The following IMMP2L variants were observed in gnomAD, a reference collection of about 807,000 sequenced individuals.
IMMP2L encodes the protein inner mitochondrial membrane peptidase subunit 2.
In IMMP2L, 18 loss-of-function variants were observed where a neutral mutation model predicts 19.3. The ratio of observed to expected loss-of-function variants is 0.93; its 90% confidence interval spans 0.64 to 1.38. The LOEUF is 1.38. Among genes scored for constraint, IMMP2L ranks in the 40% most tolerant of loss-of-function variants. The pLI is 0.00. For synonymous variants in IMMP2L, 76 were observed against 73.0 expected (o/e 1.04, Z -0.21); for missense variants, 233 against 218.2 (o/e 1.07, Z -0.43).
At chr7:111,549,777 C>T (rs920552892) in intron 1 of IMMP2L, among the ~76,000 whole-genome samples, 32 of 152,082 alleles carry the variant, frequency 2.1e-4, no homozygotes, top group Non-Finnish European at 3.7e-4. Flanking sequence ...TCCATCTCTA[C>T]TAAAAATACA....
At chr7:111,004,374 AG>A (rs1308992505) in intron 3 of IMMP2L, among the ~76,000 whole-genome samples, 1 of 152,076 alleles carries the variant, frequency 6.6e-6, no homozygotes, top group Non-Finnish European at 1.5e-5. Context: ...TGTGTTTCCC[AG>A]GCTGGTCTGA....
At chr7:110,749,576 A>G (rs1225833955) in intron 5 of IMMP2L, among the ~76,000 whole-genome samples, 3 of 152,188 alleles carry the variant, frequency 2.0e-5, no homozygotes, top group African/African-American at 7.2e-5. Flanking sequence ...ATAAAAAAGG[A>G]TGAGTTCCTG....
At chr7:111,306,073 T>C (rs1364855663) in intron 3 of IMMP2L, among the ~76,000 whole-genome samples, 1 of 152,204 alleles carries the variant, frequency 6.6e-6, no homozygotes, top group Non-Finnish European at 1.5e-5. Context: ...AAAATTTATA[T>C]CAAAATGTGT....
rs184509348 is a variant in IMMP2L at position 110,745,519 on chromosome 7, C to A, written c.409-81798G>T. Among the ~76,000 whole-genome samples, 335 of 152,272 alleles carry A rather than the reference C, an allele frequency of 2.2e-3. 2 individuals are homozygous for A. Among genetic ancestry groups the A allele is most frequent in the African/African-American group, 7.8e-3 (325 of 41,552 alleles). On this transcript the variant is annotated intron_variant, in intron 5 of 5. Transcript: ENST00000405709. Reference sequence around the variant, plus strand: ...CCAGAGAGAAACGTCAGGTTACCCACAAAGGGAAGCCCATCAGACTAACAG... The same window carrying A: ...CCAGAGAGAAACGTCAGGTTACCCAAAAAGGGAAGCCCATCAGACTAACAG...
chr7:110,668,384 C>T (rs948775890), intron 5 of IMMP2L, among the ~76,000 whole-genome samples: 2 of 152,200 alleles, frequency 1.3e-5, no homozygotes, highest in Admixed American at 1.3e-4. Context: ...TGGAAAACAG[C>T]TGGTCTCCAT....
intron 3 of IMMP2L, among the ~76,000 whole-genome samples, chr7:111,156,377 C>T (rs968148030): frequency 4.6e-5 from 7 of 152,074 alleles, no homozygotes; most frequent in African/African-American, 1.4e-4. Context: ...TTTTAAGTTA[C>T]TTTACTTTCT....
chr7:111,016,838 ATT>A (rs1491290458), intron 3 of IMMP2L, among the ~76,000 whole-genome samples: 2 of 64,178 alleles, frequency 3.1e-5, no homozygotes, highest in African/African-American at 5.2e-5. Context: ...TATAGTATAT[ATT>A]ATATATAATA....
intron 3 of IMMP2L, among the ~76,000 whole-genome samples, chr7:111,217,120 T>TCACACACACACACACA (rs1385796500): frequency 2.2e-5 from 3 of 137,814 alleles, no homozygotes; most frequent in African/African-American, 9.0e-5. Flanking sequence ...TCTCTCTCTC[T>TCACACACACACACACA]CTCTCTCACA....
intron 3 of IMMP2L, among the ~76,000 whole-genome samples, chr7:111,113,708 C>T (rs555545585): frequency 3.9e-5 from 6 of 152,144 alleles, no homozygotes; most frequent in South Asian, 2.1e-4. Context: ...AGAGGGTCTA[C>T]ATGAGACACA....
chr7:111,556,925 G>A (rs995071702), intron 1 of IMMP2L, among the ~76,000 whole-genome samples: 1 of 151,934 alleles, frequency 6.6e-6, no homozygotes, highest in Non-Finnish European at 1.5e-5. Context: ...TATGCCCTGC[G>A]AGCATGTTAA....
At chr7:111,534,735 A>C (rs1371451192) in intron 1 of IMMP2L, among the ~76,000 whole-genome samples, 1 of 152,192 alleles carries the variant, frequency 6.6e-6, no homozygotes, top group African/African-American at 2.4e-5. Flanking sequence ...TTTCCCCAGT[A>C]CATGAAGGTT....
chr7:111,508,776 C>A (rs1308888031), intron 2 of IMMP2L, among the ~76,000 whole-genome samples: 2 of 152,150 alleles, frequency 1.3e-5, no homozygotes, highest in African/African-American at 4.8e-5. Flanking sequence ...TGGTGGGGAT[C>A]TATCAGAGGA....
At chr7:111,064,008 C>A (rs112666441) in intron 3 of IMMP2L, among the ~76,000 whole-genome samples, 18,558 of 152,130 alleles carry the variant, frequency 0.12, 1,723 homozygotes, top group African/African-American at 0.26. Context: ...TTTTCAGCAG[C>A]ACCCCACTCT....
At chr7:110,687,965 A>G (rs918310952) in intron 5 of IMMP2L, among the ~76,000 whole-genome samples, 5 of 151,076 alleles carry the variant, frequency 3.3e-5, no homozygotes. Context: ...GGCTCTTGGA[A>G]AAGAGCCATC....
Position 111,368,326 on chromosome 7 carries a change from CA to C in IMMP2L, c.239+118911del, listed in dbSNP as rs560494954. On this transcript the variant is annotated intron_variant, in intron 3 of 5. Coordinates refer to ENST00000405709, the MANE Select transcript of IMMP2L (RefSeq NM_032549.4). ...AATACATGTTCTCCATTATGGAAAC[CA>C]AAGATGTCTTTTAAAGGCTACTTCC... is the stretch of plus-strand genomic sequence containing the variant. Among the ~76,000 whole-genome samples, 47 of 151,900 alleles carry C rather than the reference CA, an allele frequency of 3.1e-4. No homozygotes were observed. The South Asian group carries it at 9.4e-3, about 30-fold the overall frequency.
chr7:111,071,473 C>G lies in IMMP2L; in HGVS notation c.240-107908G>C, dbSNP rs575721701. The stretch of plus-strand genomic sequence containing the variant: ...GCCGCACTATTTATAATAGTCAGAA[C>G]ATGAAAAAAAGAAACAAATATCTGT... On this transcript the variant is annotated intron_variant, in intron 3 of 5. Coordinates refer to ENST00000405709, the MANE Select transcript of IMMP2L (RefSeq NM_032549.4). Among the ~76,000 whole-genome samples, 8 of 151,612 alleles carry G rather than the reference C, an allele frequency of 5.3e-5. No homozygotes were observed. In the South Asian group the frequency reaches 1.7e-3, roughly 32 times the overall value.
chr7:111,217,340 G>A (rs1812059475), intron 3 of IMMP2L, among the ~76,000 whole-genome samples: 1 of 152,072 alleles, frequency 6.6e-6, no homozygotes, highest in African/African-American at 2.4e-5. Flanking sequence ...AGGAAGACCT[G>A]TCCAGGGAGG....
At chr7:111,243,606 G>A (rs1251160126) in intron 3 of IMMP2L, among the ~76,000 whole-genome samples, 5 of 128,262 alleles carry the variant, frequency 3.9e-5, no homozygotes, top group East Asian at 2.3e-4. Context: ...ATGCTGGTGC[G>A]CTGCACCCAC....
At chr7:111,139,005 T>G (rs1365698993) in intron 3 of IMMP2L, among the ~76,000 whole-genome samples, 1 of 152,180 alleles carries the variant, frequency 6.6e-6, no homozygotes, top group South Asian at 2.1e-4. Context: ...TCAGTTGACA[T>G]GATCTTTTAA....
Sources: gnomAD v4.1 joint callset for allele counts (sites outside exome capture counted in the v4.1 genomes callset) on GRCh38, gnomAD v4.1.1 for gene constraint, MANE v1.5 for transcripts, NCBI Gene and HGNC (gene_info 2026-07-23, HGNC 2026-07-21) for gene names.